CPEB3: variants seen among roughly 807,000 people sequenced by gnomAD.
CPEB3 encodes cytoplasmic polyadenylation element-binding protein 3.
A neutral mutation model predicts 67.2 loss-of-function variants in CPEB3; 20 were observed. The observed-to-expected ratio is 0.30, with a 90% CI of 0.21 to 0.43. The LOEUF is 0.43. Among genes scored for constraint, CPEB3 ranks in the 20% least tolerant of loss-of-function variants. CPEB3 has a pLI of 1.00. For missense variants in CPEB3, 746 were observed against 968.6 expected (o/e 0.77, Z 3.05); for synonymous variants, 376 against 393.1 (o/e 0.96, Z 0.51).
At chr10:92,186,217 A>T in intron 3 of CPEB3, among the ~76,000 whole-genome samples, 1 of 140,898 alleles carries the variant, frequency 7.1e-6, no homozygotes. Context: ...ACAAAAAAAA[A>T]AAAAATACAA....
At chr10:92,086,764 T>C (rs1252642174) in intron 8 of CPEB3, among the ~76,000 whole-genome samples, 1 of 152,216 alleles carries the variant, frequency 6.6e-6, no homozygotes, top group African/African-American at 2.4e-5. Flanking sequence ...TATCAATTCA[T>C]TGCAGTGTTA....
At chr10:92,181,847 A>G (rs1170463514) in intron 3 of CPEB3, among the ~76,000 whole-genome samples, 2 of 152,260 alleles carry the variant, frequency 1.3e-5, no homozygotes, top group South Asian at 4.1e-4. Context: ...CCCCTGGTCT[A>G]TAAGATGTTA....
At chr10:92,198,069 G>A (rs1395774236) in intron 2 of CPEB3, among the ~76,000 whole-genome samples, 1 of 152,152 alleles carries the variant, frequency 6.6e-6, no homozygotes, top group Non-Finnish European at 1.5e-5. Context: ...TCACGCCATT[G>A]CACTCCACCC....
intron 1 of CPEB3, among the ~76,000 whole-genome samples, chr10:92,288,586 T>C (rs1005744591): frequency 2.6e-5 from 4 of 152,234 alleles, no homozygotes; most frequent in African/African-American, 9.6e-5. Context: ...AATCACTCTT[T>C]AGACCAGTAA....
At chr10:92,076,806 G>A (rs1055589033) in intron 9 of CPEB3, among the ~76,000 whole-genome samples, 1 of 149,976 alleles carries the variant, frequency 6.7e-6, no homozygotes, top group South Asian at 2.2e-4. Flanking sequence ...GGAGAAAGAG[G>A]AGGAGGAGGG....
At chr10:92,071,976 G>A (rs902658471) in intron 9 of CPEB3, among the ~76,000 whole-genome samples, 3 of 152,092 alleles carry the variant, frequency 2.0e-5, no homozygotes, top group Non-Finnish European at 2.9e-5. Flanking sequence ...GTGTACAGGT[G>A]CCATCTTTGG....
At chr10:92,269,870 T>C (rs1232610093) in intron 1 of CPEB3, among the ~76,000 whole-genome samples, 1 of 152,118 alleles carries the variant, frequency 6.6e-6, no homozygotes, top group Non-Finnish European at 1.5e-5. Context: ...ACCTGAGTTA[T>C]TTTTTATTCT....
At chr10:92,094,274 T>A (rs1157871929) in intron 7 of CPEB3, among the ~76,000 whole-genome samples, 2 of 152,074 alleles carry the variant, frequency 1.3e-5, no homozygotes, top group African/African-American at 4.8e-5. Context: ...ATTGTTCACA[T>A]GTAGACATTC....
chr10:92,289,732 A>AAAAAAATATAT, intron 1 of CPEB3, among the ~76,000 whole-genome samples: 199 of 75,732 alleles, frequency 2.6e-3, no homozygotes, highest in Non-Finnish European at 4.7e-3. Flanking sequence ...AAAAAAAAAA[A>AAAAAAATATAT]ATATATATAT....
intron 6 of CPEB3, among the ~76,000 whole-genome samples, chr10:92,117,754 T>A (rs944575646): frequency 8.7e-5 from 13 of 150,202 alleles, no homozygotes; most frequent in South Asian, 2.1e-4. Flanking sequence ...GTTTTTTTTT[T>A]AATATTTGAT....
At chr10:92,146,264 A>T (rs184950715) in intron 4 of CPEB3, among the ~76,000 whole-genome samples, 85 of 152,288 alleles carry the variant, frequency 5.6e-4, no homozygotes, top group Admixed American at 1.2e-3. Flanking sequence ...TAACACAATA[A>T]TGTCATTTGG....
At chr10:92,171,536 G>A (rs1049338755) in intron 4 of CPEB3, among the ~76,000 whole-genome samples, 5 of 152,108 alleles carry the variant, frequency 3.3e-5, no homozygotes, top group Admixed American at 6.6e-5. Context: ...CTAGAGTTGA[G>A]AATTAGTGTG....
chr10:92,119,607 G>A (rs1197104963), intron 6 of CPEB3, among the ~76,000 whole-genome samples: 1 of 152,132 alleles, frequency 6.6e-6, no homozygotes, highest in African/African-American at 2.4e-5. Flanking sequence ...TCACTGGTGA[G>A]AGCCCAGGCC....
At chr10:92,123,249 C>A (rs1432093825) in intron 6 of CPEB3, among the ~76,000 whole-genome samples, 2 of 152,148 alleles carry the variant, frequency 1.3e-5, no homozygotes, top group African/African-American at 4.8e-5. Context: ...GTGAAGTCTG[C>A]CAATCTGTCA....
chr10:92,175,812 G>A (rs891183846), intron 4 of CPEB3, among the ~76,000 whole-genome samples: 10 of 150,936 alleles, frequency 6.6e-5, no homozygotes, highest in Non-Finnish European at 3.0e-5. Context: ...AAACGTGGCC[G>A]GGTGTGGTGG....
intron 4 of CPEB3, among the ~76,000 whole-genome samples, chr10:92,170,871 T>G (rs1400636092): frequency 6.6e-6 from 1 of 152,218 alleles, no homozygotes; most frequent in Non-Finnish European, 1.5e-5. Context: ...CCATCTTCTT[T>G]GAACCACCAC....
Position 92,102,667 on chromosome 10 carries a change from A to G in CPEB3, c.1572+8409T>C, listed in dbSNP as rs149384847. On this transcript the variant is annotated intron_variant, in intron 7 of 9. Coordinates refer to ENST00000265997, the MANE Select transcript of CPEB3 (RefSeq NM_014912.5). ...AACTGCCCCATGAAAATGGTTATGT[A>G]TATCTTTGCACTATATTTGATTTAA... 9.6e-4 allele frequency among the ~76,000 whole-genome samples: 146 copies of G among 152,328 alleles called. 1 individual carries two copies. The highest frequency in any genetic ancestry group is 3.3e-3 in the African/African-American group (136 of 41,566).
chr10:92,141,866 A>G (rs959805709), intron 6 of CPEB3, among the ~76,000 whole-genome samples: 1 of 151,340 alleles, frequency 6.6e-6, no homozygotes, highest in Admixed American at 6.6e-5. Flanking sequence ...AAAATACAAA[A>G]AATGAGCCGG....
intron 7 of CPEB3, among the ~76,000 whole-genome samples, chr10:92,094,291 C>A (rs555581686): frequency 6.6e-6 from 1 of 152,036 alleles, no homozygotes; most frequent in South Asian, 2.1e-4. Flanking sequence ...ATTCGCTCCA[C>A]CTTTATTGCA....
Sources: allele counts gnomAD v4.1 joint callset (sites outside exome capture counted in the v4.1 genomes callset), GRCh38; gene constraint gnomAD v4.1.1; transcripts MANE v1.5; gene names NCBI Gene and HGNC (gene_info 2026-07-23, HGNC 2026-07-21).